Variants in KSR1 observed in about 807,000 individuals in gnomAD.
The protein encoded by KSR1 is kinase suppressor of ras.
Under a neutral mutation model 92.9 loss-of-function variants are expected in KSR1, and 35 were observed. The ratio of observed to expected loss-of-function variants is 0.38; its 90% CI spans 0.29 to 0.50. The LOEUF is 0.50. KSR1 is among the 20% of genes least tolerant of loss of function. KSR1 has a pLI of 0.94. For synonymous variants in KSR1, 467 were observed against 472.6 expected (o/e 0.99, Z 0.15); for missense variants, 972 against 1,158.5 (o/e 0.84, Z 2.34).
chr17:27,553,456 G>A (rs1021641316), intron 2 of KSR1, among the ~76,000 whole-genome samples: 3 of 152,210 alleles, frequency 2.0e-5, no homozygotes, highest in Non-Finnish European at 4.4e-5. Context: ...CAGCCTGACA[G>A]AGCTGGGCCA....
At chr17:27,483,794 C>G (rs992276608) in intron 1 of KSR1, 1 of 152,300 alleles carries the variant, frequency 6.6e-6, no homozygotes, top group Admixed American at 6.5e-5. Flanking sequence ...GCTGACAGCT[C>G]ATAGCTGAGT....
At chr17:27,612,829 A>T (rs1315780272) in intron 18 of KSR1, 1 of 152,254 alleles carries the variant, frequency 6.6e-6, no homozygotes, top group Non-Finnish European at 1.5e-5. Context: ...AAGGTCATGA[A>T]CATTGCTGGC....
chr17:27,488,913 G>A (rs543845446), intron 1 of KSR1, among the ~76,000 whole-genome samples: 1 of 152,222 alleles, frequency 6.6e-6, no homozygotes, highest in East Asian at 1.9e-4. Context: ...GCAGTAAGCC[G>A]AGAATGTGCC....
chr17:27,586,698 A>G (rs774536470), intron 5 of KSR1, among the ~76,000 whole-genome samples: 3 of 152,228 alleles, frequency 2.0e-5, no homozygotes, highest in Non-Finnish European at 2.9e-5. Flanking sequence ...CTTCAGGGCC[A>G]GTGTCTCCAT....
intron 1 of KSR1, among the ~76,000 whole-genome samples, chr17:27,547,911 C>T (rs2071240320): frequency 6.6e-6 from 1 of 151,936 alleles, no homozygotes; most frequent in Non-Finnish European, 1.5e-5. Context: ...CAGCATTTCA[C>T]CATATTGACC....
chr17:27,580,176 TC>T (rs2072694104), intron 3 of KSR1, among the ~76,000 whole-genome samples: 1 of 152,158 alleles, frequency 6.6e-6, no homozygotes, highest in Non-Finnish European at 1.5e-5. Flanking sequence ...GCAAGCTTGC[TC>T]CCTTTGGTAG....
chr17:27,570,787 C>G (rs561133506), intron 2 of KSR1, among the ~76,000 whole-genome samples: 1 of 152,330 alleles, frequency 6.6e-6, no homozygotes, highest in African/African-American at 2.4e-5. Flanking sequence ...CAGACCTGTT[C>G]TGTCCTGGGC....
At chr17:27,565,677 A>G (rs948517593) in intron 2 of KSR1, among the ~76,000 whole-genome samples, 1 of 152,180 alleles carries the variant, frequency 6.6e-6, no homozygotes, top group Non-Finnish European at 1.5e-5. Flanking sequence ...CACCTGCCTC[A>G]GCCTCCCAAA....
intron 1 of KSR1, among the ~76,000 whole-genome samples, chr17:27,479,699 G>C (rs1001777846): frequency 1.3e-4 from 20 of 152,316 alleles, no homozygotes; most frequent in Middle Eastern, 3.4e-3. Context: ...GGAGTGGGTA[G>C]GTTCTGGTTG....
In KSR1 at chr17:27,605,722, G is replaced by A; in HGVS notation, c.1903G>A (p.Glu635Lys). 1 of 1,612,954 alleles carries A rather than the reference G, an allele frequency of 6.2e-7. No homozygotes were observed. Among genetic ancestry groups the A allele is most frequent in the Non-Finnish European group, 8.5e-7 (1 of 1,179,866 alleles). ...GGACCACCTGAAGCTCTTCAAGAAA[G>A]AGGTGATGAACTACCGGCAGACGCG... is the stretch of plus-strand genomic sequence containing the variant. ...NQDHLKLFKK[E>K]VMNYRQTRHE... The change falls in exon 14 of 21, where the codon GAG (glutamate) becomes AAG (lysine). Residue 635 changes from glutamate (E) to lysine (K), a missense_variant. This residue lies in a region of KSR1 where 260 missense variants were observed against 375.2 expected (regional missense o/e 0.69). Coordinates refer to ENST00000644974, the MANE Select transcript of KSR1 (RefSeq NM_001394583.1).
intron 16 of KSR1, among the ~76,000 whole-genome samples, chr17:27,609,611 A>G (rs1031060764): frequency 6.6e-6 from 1 of 152,228 alleles, no homozygotes; most frequent in African/African-American, 2.4e-5. Flanking sequence ...ACGATGAGGA[A>G]GAGTGTCAAA....
Position 27,597,343 on chromosome 17 carries a change from C to CCGG in KSR1, c.1378_1380dup (p.Ala460dup). 1.2e-6 allele frequency: 2 copies of CCGG among 1,613,334 alleles called. No individual in the cohort carries two copies. The highest frequency in any genetic ancestry group is 1.7e-6 in the Non-Finnish European group (2 of 1,179,628). ...CACCACCTCCTCCACACCCTCCTCACCGGCGCCCTTCCCGACATCATCCAA... is the reference window on the plus strand; with the variant it reads ...CACCACCTCCTCCACACCCTCCTCACCGGCGGCGCCCTTCCCGACATCATCCAA... On this transcript the variant is annotated inframe_insertion, in exon 10 of 21. Coordinates refer to ENST00000644974, the MANE Select transcript of KSR1 (RefSeq NM_001394583.1).
chr17:27,607,020 T>A (rs756848181), intron 14 of KSR1, among the ~76,000 whole-genome samples: 1 of 152,086 alleles, frequency 6.6e-6, no homozygotes, highest in Non-Finnish European at 1.5e-5. Flanking sequence ...TCAGTAAAGA[T>A]GAGGTTTCAC....
At chr17:27,502,142 C>T (rs1440873663) in intron 1 of KSR1, among the ~76,000 whole-genome samples, 1 of 152,202 alleles carries the variant, frequency 6.6e-6, no homozygotes, top group African/African-American at 2.4e-5. Context: ...CTTGGCAGAG[C>T]CTTTCAGCTA....
At chr17:27,470,654 G>A (rs28555515) in intron 1 of KSR1, among the ~76,000 whole-genome samples, 7,232 of 152,228 alleles carry the variant, frequency 0.048, 577 homozygotes, top group African/African-American at 0.16. Context: ...GGGAGTACAG[G>A]CGTGAGCCAC....
At chr17:27,583,978 CAT>C in intron 4 of KSR1, 1 of 984,784 alleles carries the variant, frequency 1.0e-6, no homozygotes, top group Non-Finnish European at 1.2e-6. Context: ...AATTAAACCC[CAT>C]TTGTTTGACT....
At chr17:27,532,530 C>T (rs575698221) in intron 1 of KSR1, among the ~76,000 whole-genome samples, 2 of 152,330 alleles carry the variant, frequency 1.3e-5, no homozygotes, top group African/African-American at 2.4e-5. Context: ...CGTGCATCTC[C>T]GCTTCGAGCT....
intron 18 of KSR1, among the ~76,000 whole-genome samples, chr17:27,616,318 C>A (rs1420425920): frequency 6.6e-6 from 1 of 152,200 alleles, no homozygotes; most frequent in Non-Finnish European, 1.5e-5. Flanking sequence ...TATTTTCCAT[C>A]CCTTTCTAGA....
intron 3 of KSR1, among the ~76,000 whole-genome samples, chr17:27,581,402 C>A (rs951786870): frequency 1.3e-5 from 2 of 152,150 alleles, no homozygotes; most frequent in Non-Finnish European, 2.9e-5. Context: ...AGGCTGACCC[C>A]CCCAGCTTCA....
Sources: allele counts gnomAD v4.1 joint callset (sites outside exome capture counted in the v4.1 genomes callset), GRCh38; gene constraint gnomAD v4.1.1; regional missense constraint gnomAD v4.1.1; transcripts MANE v1.5; gene names NCBI Gene and HGNC (gene_info 2026-07-23, HGNC 2026-07-21).